DLGAP1: variants seen among roughly 807,000 people sequenced by gnomAD.
The protein encoded by DLGAP1 is disks large-associated protein 1.
In DLGAP1, 11 loss-of-function variants were observed where a neutral mutation model predicts 90.8. The ratio of observed to expected loss-of-function variants is 0.12; its 90% CI spans 0.08 to 0.20. DLGAP1 has a LOEUF of 0.20. Among genes scored for constraint, DLGAP1 ranks in the 10% least tolerant of loss-of-function variants. DLGAP1 has a pLI of 1.00. For missense variants in DLGAP1, 1,050 were observed against 1,333.8 expected (o/e 0.79, Z 3.31); for synonymous variants, 558 against 540.7 (o/e 1.03, Z -0.44).
At chr18:3,592,262 G>A (rs1339568620) in intron 7 of DLGAP1, among the ~76,000 whole-genome samples, 3 of 152,256 alleles carry the variant, frequency 2.0e-5, no homozygotes, top group African/African-American at 7.2e-5. Context: ...CAAGTTTGCT[G>A]CTGCTGCTTC....
At chr18:4,089,581 T>C (rs2075737636) in intron 2 of DLGAP1, among the ~76,000 whole-genome samples, 1 of 152,182 alleles carries the variant, frequency 6.6e-6, no homozygotes, top group South Asian at 2.1e-4. Context: ...CCAAACAGCA[T>C]GGTACTGGTA....
chr18:4,251,606 C>T (rs2078779935), intron 1 of DLGAP1, among the ~76,000 whole-genome samples: 2 of 152,162 alleles, frequency 1.3e-5, no homozygotes, highest in Admixed American at 1.3e-4. Context: ...ATGTGTATCA[C>T]AAACTTTTTT....
intron 1 of DLGAP1, among the ~76,000 whole-genome samples, chr18:4,318,545 G>A (rs8089040): frequency 0.24 from 35,853 of 152,060 alleles, 4,309 homozygotes; most frequent in Middle Eastern, 0.29. Flanking sequence ...AGAACAGATC[G>A]GGGCAAGAAT....
At chr18:4,207,361 G>GA (rs1436337971) in intron 1 of DLGAP1, among the ~76,000 whole-genome samples, 2 of 152,122 alleles carry the variant, frequency 1.3e-5, no homozygotes, top group Non-Finnish European at 2.9e-5. Context: ...CAGGATGAGG[G>GA]AAAATGTCCC....
Position 4,068,012 on chromosome 18 carries a change from T to A in DLGAP1, c.-158-62811A>T, listed in dbSNP as rs1339556853. Among the ~76,000 whole-genome samples the A allele has an allele frequency of 2.6e-5, 4 of 152,096 alleles. 1 individual carries two copies. The highest frequency in any genetic ancestry group is 2.6e-4 in the Admixed American group (4 of 15,232). On this transcript the variant is annotated intron_variant, in intron 2 of 12. Transcript: ENST00000315677. ...AAATATTTTACAGAGTTTGACTGTT[T>A]CCATTGACACACATAGTGTACATAA...
intron 2 of DLGAP1, among the ~76,000 whole-genome samples, chr18:4,006,510 T>C (rs571218327): frequency 1.5e-4 from 23 of 149,816 alleles, no homozygotes; most frequent in African/African-American, 5.9e-4. Flanking sequence ...ACTCTAAGAG[T>C]GCTCCAGCTG....
intron 3 of DLGAP1, among the ~76,000 whole-genome samples, chr18:3,947,465 A>C (rs2072899456): frequency 6.6e-6 from 1 of 152,202 alleles, no homozygotes; most frequent in Admixed American, 6.5e-5. Flanking sequence ...CTTGTTTCAC[A>C]TAGACACTGG....
At chr18:4,036,576 G>A (rs2074892514) in intron 2 of DLGAP1, among the ~76,000 whole-genome samples, 1 of 152,154 alleles carries the variant, frequency 6.6e-6, no homozygotes, top group African/African-American at 2.4e-5. Flanking sequence ...CAAGACACGT[G>A]ATTACTTGCA....
intron 5 of DLGAP1, among the ~76,000 whole-genome samples, chr18:3,802,063 T>C (rs1196674872): frequency 6.6e-6 from 1 of 151,734 alleles, no homozygotes. Context: ...TGGCTCACTG[T>C]AACCTCTGCC....
chr18:3,933,826 T>C (rs1427102517), intron 3 of DLGAP1, among the ~76,000 whole-genome samples: 1 of 152,144 alleles, frequency 6.6e-6, no homozygotes, highest in African/African-American at 2.4e-5. Context: ...TGATACAATG[T>C]TTTCCAGTAG....
chr18:4,103,345 G>A (rs1251879670), intron 2 of DLGAP1, among the ~76,000 whole-genome samples: 2 of 151,974 alleles, frequency 1.3e-5, no homozygotes, highest in African/African-American at 2.4e-5. Flanking sequence ...TATCACAAAA[G>A]TTTAATAGTT....
In DLGAP1 at chr18:3,637,096, C is replaced by A. The variant is rs529362223; in HGVS notation, c.1592-54848G>T. 2.6e-5 allele frequency among the ~76,000 whole-genome samples: 4 copies of A among 152,164 alleles called. No homozygotes were observed. The South Asian group carries it at 8.3e-4, about 32-fold the overall frequency. ...ATCTTTTCCTAAGAACAAAACTGAA[C>A]TATCACAAAATGAACCCCTGGATGT... On this transcript the variant is annotated intron_variant, in intron 7 of 12. Coordinates refer to ENST00000315677, the MANE Select transcript of DLGAP1 (RefSeq NM_004746.4).
intron 2 of DLGAP1, among the ~76,000 whole-genome samples, chr18:4,025,019 C>A (rs2074676004): frequency 6.6e-6 from 1 of 152,222 alleles, no homozygotes; most frequent in Admixed American, 6.5e-5. Flanking sequence ...ACCCACCTAC[C>A]TGCCCTCTGT....
chr18:3,802,133 T>C (rs982804317), intron 5 of DLGAP1, among the ~76,000 whole-genome samples: 15 of 152,198 alleles, frequency 9.9e-5, no homozygotes, highest in South Asian at 4.1e-4. Context: ...TACAGGTGTG[T>C]GCCACCATGC....
chr18:3,822,739 T>C (rs551913622), intron 4 of DLGAP1, among the ~76,000 whole-genome samples: 11 of 152,122 alleles, frequency 7.2e-5, no homozygotes, highest in Admixed American at 2.6e-4. Flanking sequence ...CCCCAAGGGA[T>C]TGGGGAGCCA....
At chr18:3,796,789 C>G (rs1378255002) in intron 5 of DLGAP1, among the ~76,000 whole-genome samples, 1 of 152,220 alleles carries the variant, frequency 6.6e-6, no homozygotes, top group Non-Finnish European at 1.5e-5. Flanking sequence ...ATTTTAATCA[C>G]TTAAAATGCA....
At chr18:3,507,811 G>A (rs2050326365) in intron 11 of DLGAP1, among the ~76,000 whole-genome samples, 4 of 125,160 alleles carry the variant, frequency 3.2e-5, no homozygotes, top group Admixed American at 2.2e-4. Flanking sequence ...ACCTCAGCTC[G>A]CTGCAACCTC....
At chr18:3,882,139 G>A (rs74644434) in intron 3 of DLGAP1, among the ~76,000 whole-genome samples, 2,129 of 142,712 alleles carry the variant, frequency 0.015, 51 homozygotes, top group African/African-American at 0.052. Context: ...TGTCAATTGA[G>A]GGTCAAGAGC....
intron 5 of DLGAP1, among the ~76,000 whole-genome samples, chr18:3,754,401 T>G (rs2063627011): frequency 6.6e-6 from 1 of 152,122 alleles, no homozygotes; most frequent in African/African-American, 2.4e-5. Context: ...AGCACTGGTT[T>G]TCTTCAATAA....
Sources: gnomAD v4.1 joint callset for allele counts (sites outside exome capture counted in the v4.1 genomes callset) on GRCh38, gnomAD v4.1.1 for gene constraint, MANE v1.5 for transcripts, NCBI Gene and HGNC (gene_info 2026-07-23, HGNC 2026-07-21) for gene names.